The following PGM2L1 variants were observed in gnomAD, a reference collection of about 807,000 sequenced individuals.
PGM2L1 encodes phosphoglucomutase 2 like 1.
A neutral mutation model predicts 73.4 loss-of-function variants in PGM2L1; 35 were observed. The observed-to-expected ratio is 0.48, with a 90% CI of 0.36 to 0.63. PGM2L1 has a LOEUF of 0.63. Among genes scored for constraint, PGM2L1 ranks in the 30% least tolerant of loss-of-function variants. The pLI is 0.00. For synonymous variants in PGM2L1, 225 were observed against 253.8 expected, an observed-to-expected ratio of 0.89 and a Z score of 1.08; for missense variants, 570 against 742.0, an observed-to-expected ratio of 0.77 and a Z score of 2.69.
rs1037409897 is a variant in PGM2L1 at position 74,351,523 on chromosome 11, T to C, written c.609A>G (p.Leu203=). 4 of 1,613,328 alleles carry C rather than the reference T, an allele frequency of 2.5e-6. No homozygotes were observed. Among genetic ancestry groups the C allele is most frequent in the East Asian group, 2.2e-5 (1 of 44,866 alleles). The part of the protein sequence containing the change: ...QITSPHDKEI[L]KCIEECVEPW... ...GTTCCACACATTCTTCTATACATTTTAGAATTTCTTTATCATGAGGAGATG... is the reference window on the plus strand; with the variant it reads ...GTTCCACACATTCTTCTATACATTTCAGAATTTCTTTATCATGAGGAGATG... Residue 203 remains leucine (L), a synonymous_variant, in exon 6 of 14, where the codon CTA becomes CTG. Coordinates refer to ENST00000298198, the MANE Select transcript of PGM2L1 (RefSeq NM_173582.6).
At chr11:74,396,196 C>CTGCAGTGAG (rs1863173882) in intron 1 of PGM2L1, among the ~76,000 whole-genome samples, 1 of 151,262 alleles carries the variant, frequency 6.6e-6, no homozygotes, top group African/African-American at 2.4e-5. Flanking sequence ...GAGTTCAAGG[C>CTGCAGTGAG]TGCAGTGAGT....
chr11:74,343,933 C>T (rs1862223688), intron 9 of PGM2L1, among the ~76,000 whole-genome samples: 1 of 151,808 alleles, frequency 6.6e-6, no homozygotes, highest in Non-Finnish European at 1.5e-5. Context: ...TGTGCCACCA[C>T]GCCCAGCTAA....
intron 9 of PGM2L1, among the ~76,000 whole-genome samples, chr11:74,345,164 T>A (rs1306194376): frequency 6.6e-6 from 1 of 152,178 alleles, no homozygotes; most frequent in Non-Finnish European, 1.5e-5. Flanking sequence ...TCTGAGTTAC[T>A]GATGGGGTCA....
chr11:74,339,756 G>A (rs904133723), intron 12 of PGM2L1, among the ~76,000 whole-genome samples: 6 of 152,070 alleles, frequency 3.9e-5, no homozygotes, highest in Non-Finnish European at 7.4e-5. Context: ...TCATACTCCA[G>A]TTATAGACAA....
At position 74,368,516 on chromosome 11, in the gene PGM2L1, G is replaced by A. The variant is rs971312524; in HGVS notation, c.531C>T (p.Asn177=). ...CCTTGTATCCATTGTCTTCCTTGCG[G>A]TTGTGAGAGGCAGTAATCATCACAC... The part of the protein sequence containing the change: ...VAGVMITASH[N]RKEDNGYKVY... The change falls in exon 5 of 14, where the codon AAC becomes AAT. Residue 177 remains asparagine (N), a synonymous_variant. Coordinates refer to ENST00000298198, the MANE Select transcript of PGM2L1 (RefSeq NM_173582.6). 7 of 1,613,506 alleles carry A rather than the reference G, an allele frequency of 4.3e-6. No individual in the cohort carries two copies. The African/African-American group carries it at 5.3e-5, about 12-fold the overall frequency.
rs1176218561 is a variant in PGM2L1, at chr11:74,332,072, TG to T, written c.*4579del. Reference sequence around the variant, plus strand: ...TTGTTTCCAACTAGAATTAAATTCATGCTGTGCAAGGAGTCAGACAATGAGC... The same window carrying T: ...TTGTTTCCAACTAGAATTAAATTCATCTGTGCAAGGAGTCAGACAATGAGC... On this transcript the variant is annotated 3_prime_UTR_variant, in exon 14 of 14. Coordinates refer to ENST00000298198, the MANE Select transcript of PGM2L1 (RefSeq NM_173582.6). The T allele has an allele frequency of 2.0e-5, 3 of 152,228 alleles. No individual in the cohort carries two copies. The highest frequency in any genetic ancestry group is 7.2e-5 in the African/African-American group (3 of 41,456). 9.4% of individuals were successfully genotyped at this position (152,228 alleles called of 1,614,324 possible).
chr11:74,374,575 T>G lies in PGM2L1; in HGVS notation c.119A>C (p.Lys40Thr), dbSNP rs753876192. Residue 40 changes from lysine (K) to threonine (T), a missense_variant, in exon 2 of 14, where the codon AAA becomes ACA. Lys to Thr is a moderately conservative substitution (Grantham distance 78). Coordinates refer to ENST00000298198, the MANE Select transcript of PGM2L1 (RefSeq NM_173582.6). ...GQWLRWDKNP[K>T]TKEQIENLLR... ...CAGGTTTTCAATCTGCTCTTTTGTT[T>G]TGGGATTCTATAAAAAAGAAGTATT... The G allele has an allele frequency of 8.1e-6, 13 of 1,612,848 alleles. No homozygotes were observed. The highest frequency in any genetic ancestry group is 1.1e-5 in the Non-Finnish European group (13 of 1,179,528).
At chr11:74,349,064 A>G (rs1862309717) in intron 6 of PGM2L1, among the ~76,000 whole-genome samples, 1 of 152,172 alleles carries the variant, frequency 6.6e-6, no homozygotes, top group African/African-American at 2.4e-5. Flanking sequence ...ACTTAGATAT[A>G]TTATTTATTA....
At chr11:74,364,900 T>C (rs1862631042) in intron 5 of PGM2L1, among the ~76,000 whole-genome samples, 1 of 152,162 alleles carries the variant, frequency 6.6e-6, no homozygotes, top group Non-Finnish European at 1.5e-5. Flanking sequence ...AGAGCCTGCA[T>C]TGCCAAGTCA....
At chr11:74,346,270 C>CAAAAAAAAAAAAAAAAAAAAAAAAAAACA (rs751742460) in intron 8 of PGM2L1, among the ~76,000 whole-genome samples, 1 of 57,880 alleles carries the variant, frequency 1.7e-5, no homozygotes, top group African/African-American at 6.8e-5. Flanking sequence ...ACTATGTCTC[C>CAAAAAAAAAAAAAAAAAAAAAAAAAAACA]AAAAAAAAAA....
chr11:74,386,511 T>C (rs1420426583), intron 1 of PGM2L1, among the ~76,000 whole-genome samples: 1 of 151,810 alleles, frequency 6.6e-6, no homozygotes, highest in Non-Finnish European at 1.5e-5. Flanking sequence ...GGTCCCACTC[T>C]GTCACCCAGG....
Position 74,350,344 on chromosome 11 carries a change from G to T in PGM2L1, c.749+1039C>A, listed in dbSNP as rs948951582. Reference sequence around the variant, plus strand: ...TAGCTATTTACAGAAGAGTTACAGAGATAATTATGGAAATATGGAAATGGT... The same window carrying T: ...TAGCTATTTACAGAAGAGTTACAGATATAATTATGGAAATATGGAAATGGT... On this transcript the variant is annotated intron_variant, in intron 6 of 13. Coordinates refer to ENST00000298198, the MANE Select transcript of PGM2L1 (RefSeq NM_173582.6). Among the ~76,000 whole-genome samples, 11 of 152,124 alleles carry T rather than the reference G, an allele frequency of 7.2e-5. 1 individual carries two copies. Among genetic ancestry groups the T allele is most frequent in the African/African-American group, 2.7e-4 (11 of 41,422 alleles).
Position 74,342,483 on chromosome 11 carries a change from C to A in PGM2L1, c.1610G>T (p.Ser537Ile). 6.7e-7 allele frequency: 1 copy of A among 1,494,724 alleles called. No homozygotes were observed. 92.6% of individuals were successfully genotyped at this position (1,494,724 alleles called of 1,614,324 possible). The change falls in exon 12 of 14, where the codon AGT becomes ATT. Residue 537 changes from serine to isoleucine, a missense_variant. Transcript: ENST00000298198. ...TACTGATTTCTTATTAGGCTGGCTA[C>A]TGTCATATCCAGTGGTAACGTCCCG... is the stretch of plus-strand genomic sequence containing the variant. ...HVRDVTTGYD[S>I]SQPNKKSVLP...
intron 1 of PGM2L1, among the ~76,000 whole-genome samples, chr11:74,383,692 GC>G (rs1181769855): frequency 3.3e-5 from 5 of 151,754 alleles, no homozygotes; most frequent in African/African-American, 1.2e-4. Flanking sequence ...GTGAGAACAT[GC>G]GGTGTTCGGT....
At position 74,342,593 on chromosome 11, in the gene PGM2L1, G is replaced by C. The variant is rs757920189; in HGVS notation, c.1500C>G (p.Ile500Met). 6.2e-7 allele frequency: 1 copy of C among 1,604,754 alleles called. No individual in the cohort carries two copies. The highest frequency in any genetic ancestry group is 8.5e-7 in the Non-Finnish European group (1 of 1,174,716). ...SYFLCYEPPT[I>M]KSIFERLRNF... is the part of the protein sequence containing the mutation. ...TACGAAGCCTTTCAAATATACTTTT[G>C]ATGGTAGGTGGTTCATAACACAAGA... The change falls in exon 12 of 14, where the codon ATC becomes ATG. Residue 500 changes from isoleucine to methionine, a missense_variant. Coordinates refer to ENST00000298198, the MANE Select transcript of PGM2L1 (RefSeq NM_173582.6).
intron 1 of PGM2L1, among the ~76,000 whole-genome samples, chr11:74,378,727 A>G (rs1862894398): frequency 6.6e-6 from 1 of 152,210 alleles, no homozygotes; most frequent in Non-Finnish European, 1.5e-5. Context: ...TATATTGTAG[A>G]ACCATAAGGC....
chr11:74,346,701 AG>A, intron 8 of PGM2L1, 30 bp downstream of exon 8: 1 of 1,542,062 alleles, frequency 6.5e-7, no homozygotes. Flanking sequence ...TCAAAGTTCA[AG>A]CTTTTAATCA....
In PGM2L1 at chr11:74,345,577, C is replaced by A; in HGVS notation, c.1110G>T (p.Lys370Asn). The change falls in exon 9 of 14, where the codon AAG (lysine) becomes AAT (asparagine). Residue 370 changes from lysine to asparagine, a missense_variant. Physicochemically the swap from Lys to Asn is moderately conservative, Grantham distance 94. Coordinates refer to ENST00000298198, the MANE Select transcript of PGM2L1 (RefSeq NM_173582.6). ...LFGWWMFDCW[K>N]KNKSRNADVK... ...CATCAGCATTTCTTGATTTATTTTT[C>A]TTCCAGCAATCAAACATCCACCATC... is the stretch of plus-strand genomic sequence containing the variant. 6.2e-7 allele frequency: 1 copy of A among 1,613,726 alleles called. No homozygotes were observed. The highest frequency in any genetic ancestry group is 8.5e-7 in the Non-Finnish European group (1 of 1,179,794).
At chr11:74,339,773 G>A (rs1307490215) in intron 12 of PGM2L1, among the ~76,000 whole-genome samples, 1 of 152,128 alleles carries the variant, frequency 6.6e-6, no homozygotes, top group Non-Finnish European at 1.5e-5. Context: ...ACAACTACCT[G>A]TGGTTCTCTG....
Sources: gnomAD v4.1 joint callset for allele counts (sites outside exome capture counted in the v4.1 genomes callset) on GRCh38, gnomAD v4.1.1 for gene constraint, MANE v1.5 for transcripts, NCBI Gene and HGNC (gene_info 2026-07-23, HGNC 2026-07-21) for gene names.